Variants in UBXN11 observed in about 807,000 individuals in gnomAD.
UBXN11 encodes the protein UBX domain-containing protein 11.
UBXN11 carries 47 observed loss-of-function variants against 62.8 expected under a neutral mutation model. The ratio of observed to expected loss-of-function variants is 0.75; its 90% CI spans 0.59 to 0.95. UBXN11 has a LOEUF of 0.95. UBXN11 is among the 40% of genes least tolerant of loss of function. The probability of loss-of-function intolerance (pLI) is 0.00; values close to 1 mark genes in which losing one functional copy is unlikely to be tolerated. For missense variants in UBXN11, 638 were observed against 661.7 expected (o/e 0.96, Z 0.39); for synonymous variants, 294 against 267.0 (o/e 1.10, Z -0.99).
intron 8 of UBXN11, among the ~76,000 whole-genome samples, chr1:26,291,635 A>T (rs1411100294): frequency 6.6e-6 from 1 of 152,192 alleles, no homozygotes; most frequent in Non-Finnish European, 1.5e-5. Flanking sequence ...GCCTACCTGA[A>T]GCCTGAGCCC....
chr1:26,300,649 G>C (rs771718888), intron 4 of UBXN11, among the ~76,000 whole-genome samples: 6 of 152,092 alleles, frequency 3.9e-5, no homozygotes, highest in Non-Finnish European at 8.8e-5. Context: ...ATCCCTCTCT[G>C]ACCCTGAATC....
intron 8 of UBXN11, 130 bp from the exon 9 acceptor site, chr1:26,286,167 G>A: frequency 2.7e-6 from 2 of 742,680 alleles, no homozygotes; most frequent in Non-Finnish European, 4.2e-6. Flanking sequence ...CTGGGGAAAA[G>A]GACAACGCTA....
At chr1:26,301,072 G>A (rs764055531) in intron 3 of UBXN11, 48 bp from the exon 4 acceptor site, 8 of 1,613,394 alleles carry the variant, frequency 5.0e-6, no homozygotes, top group Non-Finnish European at 6.8e-6. Flanking sequence ...GAGACCCAGA[G>A]GAAACTCAGG....
chr1:26,318,149 C>A (rs921941274), exon 1 of UBXN11: 4 of 1,206,374 alleles, frequency 3.3e-6, no homozygotes, highest in Non-Finnish European at 4.9e-6. Context: ...AGGATGTGAG[C>A]TCCCAGAGAC....
intron 8 of UBXN11, among the ~76,000 whole-genome samples, chr1:26,286,309 A>C (rs972919807): frequency 2.6e-5 from 4 of 152,210 alleles, no homozygotes; most frequent in Admixed American, 6.5e-5. Context: ...AGATGAGGAA[A>C]CTGAGGGTTA....
intron 1 of UBXN11, among the ~76,000 whole-genome samples, chr1:26,317,066 TAAAAA>T: frequency 7.4e-6 from 1 of 135,806 alleles, no homozygotes; most frequent in African/African-American, 2.8e-5. Flanking sequence ...CAGTCTCCGC[TAAAAA>T]AAAAAAAAAA....
intron 10 of UBXN11, chr1:26,285,178 C>G (rs2124634146): frequency 8.2e-7 from 1 of 1,218,436 alleles, no homozygotes; most frequent in Non-Finnish European, 1.0e-6. Context: ...TGCAGGGACC[C>G]CAGGTTGTCA....
upstream of UBXN11, among the ~76,000 whole-genome samples, chr1:26,307,237 A>G (rs1484072427): frequency 3.3e-5 from 5 of 152,090 alleles, no homozygotes; most frequent in Non-Finnish European, 7.4e-5. Context: ...GTTGGATTAG[A>G]CTCAGTCACC....
exon 1 of UBXN11, chr1:26,318,147 A>G: frequency 8.1e-7 from 1 of 1,227,492 alleles, no homozygotes; most frequent in Non-Finnish European, 1.2e-6. Flanking sequence ...ACAGGATGTG[A>G]GCTCCCAGAG....
chr1:26,282,575 G>T lies in UBXN11; in HGVS notation c.1293-6C>A. On this transcript the variant is annotated splice_polypyrimidine_tract_variant and splice_region_variant and intron_variant, in intron 14 of 14. Coordinates refer to ENST00000374222, the MANE Select transcript of UBXN11 (RefSeq NM_001389556.1). ...AGGCAGAGGCATCCATGACCCTGGGGACCAGGCAGAGCAGATCAGGCTGGG... is the reference window on the plus strand; with the variant it reads ...AGGCAGAGGCATCCATGACCCTGGGTACCAGGCAGAGCAGATCAGGCTGGG... 1 of 1,604,504 alleles carries T rather than the reference G, an allele frequency of 6.2e-7. No individual in the cohort carries two copies.
At chr1:26,301,384 C>T (rs2073530640) in intron 3 of UBXN11, among the ~76,000 whole-genome samples, 1 of 152,088 alleles carries the variant, frequency 6.6e-6, no homozygotes, top group South Asian at 2.1e-4. Context: ...GGATCCAAAC[C>T]CCTGGGCTGG....
intron 9 of UBXN11, 107 bp downstream of exon 9, chr1:26,285,716 G>A: frequency 3.5e-6 from 5 of 1,436,154 alleles, no homozygotes; most frequent in Non-Finnish European, 4.7e-6. Flanking sequence ...GGGCCTGGGT[G>A]CCCCGTGGAG....
chr1:26,306,826 G>T (rs866394068), upstream of UBXN11: 8 of 79,422 alleles, frequency 1.0e-4, no homozygotes, highest in African/African-American at 3.9e-4. Context: ...GTCCGGGGCG[G>T]GGTGGGGGGG....
At chr1:26,316,917 C>T (rs2073800659) in intron 1 of UBXN11, among the ~76,000 whole-genome samples, 1 of 151,734 alleles carries the variant, frequency 6.6e-6, no homozygotes, top group African/African-American at 2.4e-5. Context: ...TTGCTACTTT[C>T]TCTACCAAAA....
upstream of UBXN11, chr1:26,306,934 G>A (rs954730905): frequency 2.0e-5 from 3 of 151,106 alleles, no homozygotes; most frequent in Non-Finnish European, 4.4e-5. Context: ...CTGAATGTGT[G>A]ATCCCGACAG....
In UBXN11 at chr1:26,285,509, A is replaced by T. The variant is rs777289297; in HGVS notation, c.807T>A (p.Phe269Leu). 96 of 1,599,334 alleles carry T rather than the reference A, an allele frequency of 6.0e-5. No individual in the cohort carries two copies. The highest frequency in any genetic ancestry group is 8.0e-5 in the Non-Finnish European group (93 of 1,169,612). ...RCLRDILDGFFPSELQRLYPN... is the reference protein window; with the variant it reads ...RCLRDILDGFLPSELQRLYPN... Reference sequence around the variant, plus strand: ...GGTACAGTCGCTGGAGCTCTGAGGGAAAGAAGCCATCCAATATGTCTCGGA... The same window carrying T: ...GGTACAGTCGCTGGAGCTCTGAGGGTAAGAAGCCATCCAATATGTCTCGGA... The change falls in exon 10 of 15, where the codon TTT (phenylalanine) becomes TTA (leucine). Residue 269 changes from phenylalanine (F) to leucine (L), a missense_variant. By Grantham distance (22) the Phe-to-Leu change is conservative. Coordinates refer to ENST00000374222, the MANE Select transcript of UBXN11 (RefSeq NM_001389556.1).
chr1:26,312,979 C>CAAAAAA (rs55777309), intron 1 of UBXN11, among the ~76,000 whole-genome samples: 979 of 47,802 alleles, frequency 0.02, 69 homozygotes, highest in East Asian at 0.062. Flanking sequence ...AACTCTGTCT[C>CAAAAAA]AAAAAAAAAA....
At chr1:26,284,653 C>T (rs1432457120) in intron 10 of UBXN11, 171 bp from the exon 11 acceptor site, 4 of 1,378,700 alleles carry the variant, frequency 2.9e-6, no homozygotes, top group Non-Finnish European at 3.8e-6. Flanking sequence ...CTGCTGTCAT[C>T]TCCCTCAGCC....
intron 8 of UBXN11, among the ~76,000 whole-genome samples, chr1:26,286,850 C>G (rs987780006): frequency 6.6e-6 from 1 of 152,142 alleles, no homozygotes; most frequent in African/African-American, 2.4e-5. Context: ...AGGCATGAGC[C>G]ACCACACCCG....
Sources: allele counts gnomAD v4.1 joint callset (sites outside exome capture counted in the v4.1 genomes callset), GRCh38; gene constraint gnomAD v4.1.1; transcripts MANE v1.5; gene names NCBI Gene and HGNC (gene_info 2026-07-23, HGNC 2026-07-21).